KCNQ3: variants seen among roughly 807,000 people sequenced by gnomAD.
KCNQ3 encodes potassium voltage-gated channel subfamily Q member 3.
Under a neutral mutation model 92.5 loss-of-function variants are expected in KCNQ3, and 30 were observed. The observed-to-expected ratio is 0.32, with a 90% CI of 0.24 to 0.44. The LOEUF (loss-of-function observed/expected upper bound fraction) is 0.44. Among genes scored for constraint, KCNQ3 ranks in the 20% least tolerant of loss-of-function variants. The pLI is 1.00. For missense variants in KCNQ3, 913 were observed against 1,140.3 expected, an observed-to-expected ratio of 0.80 and a Z score of 2.87; for synonymous variants, 450 against 468.8, an observed-to-expected ratio of 0.96 and a Z score of 0.52.
chr8:132,458,482 T>G (rs1245325252), intron 1 of KCNQ3, among the ~76,000 whole-genome samples: 1 of 152,190 alleles, frequency 6.6e-6, no homozygotes, highest in East Asian at 1.9e-4. Context: ...TGAGACAGAG[T>G]CTCACTCTGA....
At chr8:132,320,431 C>T (rs1269413149) in intron 1 of KCNQ3, among the ~76,000 whole-genome samples, 1 of 152,160 alleles carries the variant, frequency 6.6e-6, no homozygotes, top group Non-Finnish European at 1.5e-5. Flanking sequence ...GATGAAGCAA[C>T]TGAAGCTCAG....
intron 1 of KCNQ3, among the ~76,000 whole-genome samples, chr8:132,405,347 G>C (rs1295033893): frequency 6.6e-6 from 1 of 152,184 alleles, no homozygotes; most frequent in East Asian, 1.9e-4. Flanking sequence ...ACAGCTCCTG[G>C]ATTTCCCAAG....
chr8:132,347,977 TAAAAA>T (rs5895138), intron 1 of KCNQ3, among the ~76,000 whole-genome samples: 1 of 78,100 alleles, frequency 1.3e-5, no homozygotes. Context: ...AGACTCCATC[TAAAAA>T]AAAAAAAAAA....
At chr8:132,433,094 T>C (rs1333419417) in intron 1 of KCNQ3, among the ~76,000 whole-genome samples, 1 of 152,114 alleles carries the variant, frequency 6.6e-6, no homozygotes. Flanking sequence ...AATCTTACCA[T>C]ATTGGAGGAG....
chr8:132,448,697 G>T (rs190229997), intron 1 of KCNQ3, among the ~76,000 whole-genome samples: 10 of 152,096 alleles, frequency 6.6e-5, no homozygotes, highest in Non-Finnish European at 1.5e-4. Flanking sequence ...TCCAACCCAC[G>T]ATCTGTGCCA....
intron 1 of KCNQ3, among the ~76,000 whole-genome samples, chr8:132,281,401 T>C (rs1816507400): frequency 6.6e-6 from 1 of 152,096 alleles, no homozygotes; most frequent in Non-Finnish European, 1.5e-5. Context: ...TAGAAAATTA[T>C]ATAGACACAA....
chr8:132,141,396 C>T (rs1432928900), intron 9 of KCNQ3, 65 bp from the exon 10 acceptor site: 37 of 1,403,238 alleles, frequency 2.6e-5, no homozygotes, highest in Non-Finnish European at 2.3e-5. Context: ...TTTCCCATCC[C>T]TCCATAAAGA....
At chr8:132,312,661 C>T (rs1460548560) in intron 1 of KCNQ3, among the ~76,000 whole-genome samples, 3 of 152,092 alleles carry the variant, frequency 2.0e-5, no homozygotes, top group South Asian at 2.1e-4. Context: ...GGGCGGTTTC[C>T]CCCATGTTGT....
intron 1 of KCNQ3, among the ~76,000 whole-genome samples, chr8:132,471,056 G>A (rs1822288829): frequency 6.6e-6 from 1 of 152,092 alleles, no homozygotes; most frequent in Admixed American, 6.6e-5. Context: ...TCTCTCTTAT[G>A]GTACCTTTTT....
intron 3 of KCNQ3, among the ~76,000 whole-genome samples, chr8:132,183,928 C>T (rs1219792295): frequency 6.6e-6 from 1 of 152,144 alleles, no homozygotes; most frequent in South Asian, 2.1e-4. Flanking sequence ...TGCTACTACT[C>T]CAGGGACTGG....
chr8:132,281,922 C>A (rs1041926452), intron 1 of KCNQ3, among the ~76,000 whole-genome samples: 1 of 152,194 alleles, frequency 6.6e-6, no homozygotes, highest in Non-Finnish European at 1.5e-5. Flanking sequence ...GAAACTTCAA[C>A]GTGACCTCTC....
chr8:132,436,459 C>T (rs1821397817), intron 1 of KCNQ3, among the ~76,000 whole-genome samples: 1 of 152,162 alleles, frequency 6.6e-6, no homozygotes, highest in Non-Finnish European at 1.5e-5. Context: ...AAACTGAAAA[C>T]AGCAGTATGT....
At chr8:132,169,843 A>C (rs1293598688) in intron 8 of KCNQ3, among the ~76,000 whole-genome samples, 4 of 150,940 alleles carry the variant, frequency 2.7e-5, no homozygotes, top group Admixed American at 2.6e-4. Flanking sequence ...CCTAGGCATC[A>C]GATTTTTTTT....
At chr8:132,336,318 T>A (rs1015531568) in intron 1 of KCNQ3, among the ~76,000 whole-genome samples, 1 of 152,178 alleles carries the variant, frequency 6.6e-6, no homozygotes, top group Admixed American at 6.5e-5. Flanking sequence ...CCACACACCA[T>A]CTAACACCTT....
Position 132,255,565 on chromosome 8 carries a change from C to T in KCNQ3, c.387-69384G>A, listed in dbSNP as rs902000947. 6.6e-5 allele frequency among the ~76,000 whole-genome samples: 10 copies of T among 152,276 alleles called. No individual in the cohort carries two copies. In the South Asian group the frequency reaches 1.2e-3, roughly 19 times the overall value. On this transcript the variant is annotated intron_variant, in intron 1 of 14. Coordinates refer to ENST00000388996, the MANE Select transcript of KCNQ3 (RefSeq NM_004519.4). The stretch of plus-strand genomic sequence containing the variant: ...GATAAGTGCATACCCAATAAAGACC[C>T]GAGAGAGCCCTAAGCTCTCACCTTT...
At chr8:132,270,164 G>T (rs1816107749) in intron 1 of KCNQ3, among the ~76,000 whole-genome samples, 1 of 151,880 alleles carries the variant, frequency 6.6e-6, no homozygotes, top group Admixed American at 6.6e-5. Context: ...TTATTATTCA[G>T]CTTTGCCAAA....
At chr8:132,338,136 T>C (rs1218595263) in intron 1 of KCNQ3, among the ~76,000 whole-genome samples, 1 of 152,208 alleles carries the variant, frequency 6.6e-6, no homozygotes, top group Non-Finnish European at 1.5e-5. Context: ...CAGAGTATAC[T>C]GGGAAGCACT....
intron 1 of KCNQ3, among the ~76,000 whole-genome samples, chr8:132,467,446 C>A (rs1822198861): frequency 6.6e-6 from 1 of 152,130 alleles, no homozygotes; most frequent in African/African-American, 2.4e-5. Context: ...CAACTCAAGG[C>A]TGAGCTCAGT....
At chr8:132,465,286 T>G (rs193108221) in intron 1 of KCNQ3, among the ~76,000 whole-genome samples, 1 of 152,332 alleles carries the variant, frequency 6.6e-6, no homozygotes, top group African/African-American at 2.4e-5. Context: ...GATTCTTCAT[T>G]CTTTGAAAGT....
Sources: gnomAD v4.1 joint callset for allele counts (sites outside exome capture counted in the v4.1 genomes callset) on GRCh38, gnomAD v4.1.1 for gene constraint, MANE v1.5 for transcripts, NCBI Gene and HGNC (gene_info 2026-07-23, HGNC 2026-07-21) for gene names.